Variants in RALGAPA2 observed in about 807,000 individuals in gnomAD.
RALGAPA2 encodes the protein ral GTPase-activating protein subunit alpha-2.
In RALGAPA2, 139 loss-of-function variants were observed where a neutral mutation model predicts 230.4. The ratio of observed to expected loss-of-function variants is 0.60; its 90% CI spans 0.53 to 0.69. The LOEUF is 0.69. Among genes scored for constraint, RALGAPA2 ranks in the 30% least tolerant of loss-of-function variants. RALGAPA2 has a pLI of 0.00. For missense variants in RALGAPA2, 2,163 were observed against 2,276.0 expected (o/e 0.95, Z 1.01); for synonymous variants, 847 against 837.8 (o/e 1.01, Z -0.19).
intron 37 of RALGAPA2, chr20:20,471,413 GA>G (rs2061537409): frequency 1.5e-5 from 2 of 137,018 alleles, no homozygotes; most frequent in African/African-American, 5.5e-5. Flanking sequence ...TGTAAAATAA[GA>G]TTTTTTTTTT....
intron 12 of RALGAPA2, among the ~76,000 whole-genome samples, chr20:20,617,209 T>G (rs1368571629): frequency 1.3e-5 from 2 of 152,206 alleles, no homozygotes; most frequent in African/African-American, 4.8e-5. Flanking sequence ...AAGTAAAATT[T>G]TTTAAAGTAT....
In RALGAPA2 at chr20:20,635,398, A is replaced by C; in HGVS notation, c.1005+20T>G. The C allele has an allele frequency of 1.3e-6, 2 of 1,568,668 alleles. No individual in the cohort carries two copies. Among genetic ancestry groups the C allele is most frequent in the Non-Finnish European group, 1.7e-6 (2 of 1,152,018 alleles). On this transcript the variant is annotated intron_variant, in intron 9 of 39. Transcript: ENST00000202677. ...TTATTACACAAGCATTAACAGATAA[A>C]AAGATGATGGATGGCATACCTGGAT...
At chr20:20,515,673 A>C (rs2145391727) in intron 31 of RALGAPA2, among the ~76,000 whole-genome samples, 1 of 152,376 alleles carries the variant, frequency 6.6e-6, no homozygotes, top group Admixed American at 6.5e-5. Context: ...AGGCATTCTC[A>C]GTCTCCAGCA....
At chr20:20,550,135 TC>T (rs1568567814) in intron 23 of RALGAPA2, among the ~76,000 whole-genome samples, 2 of 152,056 alleles carry the variant, frequency 1.3e-5, no homozygotes. Context: ...TTATCCCTCA[TC>T]CCCTTCCACC....
chr20:20,698,529 A>G (rs1478334205), intron 1 of RALGAPA2, among the ~76,000 whole-genome samples: 1 of 152,074 alleles, frequency 6.6e-6, no homozygotes, highest in East Asian at 1.9e-4. Flanking sequence ...AGCTGGGATT[A>G]CAGGCACCCA....
intron 37 of RALGAPA2, among the ~76,000 whole-genome samples, chr20:20,431,328 A>G (rs2060497498): frequency 6.6e-6 from 1 of 152,160 alleles, no homozygotes; most frequent in South Asian, 2.1e-4. Flanking sequence ...CATGGTGGTG[A>G]GTCTGGCAGC....
intron 36 of RALGAPA2, among the ~76,000 whole-genome samples, chr20:20,492,719 T>C (rs1196080583): frequency 6.6e-6 from 1 of 152,178 alleles, no homozygotes; most frequent in Non-Finnish European, 1.5e-5. Flanking sequence ...TTTCCCCTCA[T>C]TGTCCGTAAT....
intron 3 of RALGAPA2, among the ~76,000 whole-genome samples, chr20:20,671,013 G>A (rs1293221549): frequency 1.3e-5 from 2 of 151,596 alleles, no homozygotes; most frequent in Non-Finnish European, 2.9e-5. Context: ...TCTAAGTGGT[G>A]TACATATCTG....
chr20:20,558,011 TA>T (rs1212305416), intron 23 of RALGAPA2, among the ~76,000 whole-genome samples: 2 of 152,118 alleles, frequency 1.3e-5, no homozygotes, highest in East Asian at 1.9e-4. Flanking sequence ...TCAATTTTTT[TA>T]TTTTTTTTTG....
chr20:20,629,320 AACACACACACACACACACACACAC>A lies in RALGAPA2; in HGVS notation c.1233+19_1233+42del. The A allele has an allele frequency of 9.0e-7, 1 of 1,107,730 alleles. No individual in the cohort carries two copies. Among genetic ancestry groups the A allele is most frequent in the South Asian group, 1.4e-5 (1 of 71,876 alleles). 68.6% of individuals were successfully genotyped at this position (1,107,730 alleles called of 1,614,324 possible). On this transcript the variant is annotated intron_variant, in intron 10 of 39. Transcript: ENST00000202677. ...AATCATTTCCATTTCAAGAACTTGT[AACACACACACACACACACACACAC>A]ACACACACACACACTAACCTGGTGA...
chr20:20,667,198 G>C lies in RALGAPA2; in HGVS notation c.270+9038C>G, dbSNP rs145761361. Among the ~76,000 whole-genome samples, 117 of 152,226 alleles carry C rather than the reference G, an allele frequency of 7.7e-4. No homozygotes were observed. In the East Asian group the frequency reaches 0.014, roughly 18 times the overall value. ...TCTTATTGGCACTGTACTGGATATA[G>C]CTATATTACTATTATCAGGAAAATC... is the stretch of plus-strand genomic sequence containing the variant. On this transcript the variant is annotated intron_variant, in intron 3 of 39. Transcript: ENST00000202677.
chr20:20,634,480 C>G (rs1235039565), intron 9 of RALGAPA2, among the ~76,000 whole-genome samples: 3 of 152,116 alleles, frequency 2.0e-5, no homozygotes, highest in African/African-American at 7.2e-5. Flanking sequence ...ATAAGTTCTC[C>G]TCTAACTCTT....
At chr20:20,636,518 C>T (rs1317800984) in intron 8 of RALGAPA2, among the ~76,000 whole-genome samples, 1 of 151,336 alleles carries the variant, frequency 6.6e-6, no homozygotes. Context: ...TCAAAACTCA[C>T]CAAGTTTTGG....
rs756893123 is a variant in RALGAPA2, at chr20:20,605,247, A to C, written c.1966T>G (p.Tyr656Asp). The change falls in exon 15 of 40, where the codon TAT becomes GAT. Residue 656 changes from tyrosine to aspartate, a missense_variant. Transcript: ENST00000202677. The stretch of plus-strand genomic sequence containing the variant: ...GGTAGGTTTGTCATCTCAACTCCAT[A>C]AACGGTTCTTGCAAGCACTGCTGTC... ...SLTAVLARTV[Y>D]GVEMTNLPLD... The C allele has an allele frequency of 1.9e-6, 3 of 1,613,906 alleles. No homozygotes were observed. Among genetic ancestry groups the C allele is most frequent in the Non-Finnish European group, 2.5e-6 (3 of 1,179,860 alleles).
chr20:20,480,308 G>A (rs1023290769), intron 36 of RALGAPA2, among the ~76,000 whole-genome samples: 1 of 152,190 alleles, frequency 6.6e-6, no homozygotes, highest in Non-Finnish European at 1.5e-5. Flanking sequence ...AAGAAATACA[G>A]TATGAGTAAG....
At chr20:20,601,939 T>C in intron 15 of RALGAPA2, 93 bp from the exon 16 acceptor site, 3 of 1,126,462 alleles carry the variant, frequency 2.7e-6, no homozygotes, top group East Asian at 2.9e-5. Context: ...CCTACAACTA[T>C]ATATAATCAG....
Position 20,415,110 on chromosome 20 carries a change from T to C in RALGAPA2, c.5496-2962A>G, listed in dbSNP as rs2060140903. Among the ~76,000 whole-genome samples the C allele has an allele frequency of 2.6e-5, 4 of 152,268 alleles. No homozygotes were observed. In the South Asian group the frequency reaches 6.2e-4, roughly 24 times the overall value. On this transcript the variant is annotated intron_variant, in intron 37 of 39. Coordinates refer to ENST00000202677, the MANE Select transcript of RALGAPA2 (RefSeq NM_020343.4). ...AGCGCTGGGATCTTAACTGAATTAA[T>C]TGCAAGGGCAATTTGGAGCAGTATC...
intron 16 of RALGAPA2, among the ~76,000 whole-genome samples, chr20:20,599,572 A>G (rs1215572828): frequency 2.6e-5 from 4 of 152,220 alleles, no homozygotes; most frequent in African/African-American, 9.7e-5. Flanking sequence ...CTGCTTTACT[A>G]TTTTCATATG....
At chr20:20,556,100 T>A (rs1422735825) in intron 23 of RALGAPA2, among the ~76,000 whole-genome samples, 1 of 152,152 alleles carries the variant, frequency 6.6e-6, no homozygotes, top group Non-Finnish European at 1.5e-5. Context: ...CTTTTTGCAA[T>A]ATATTTTTGC....
Sources: gnomAD v4.1 joint callset for allele counts (sites outside exome capture counted in the v4.1 genomes callset) on GRCh38, gnomAD v4.1.1 for gene constraint, MANE v1.5 for transcripts, NCBI Gene and HGNC (gene_info 2026-07-23, HGNC 2026-07-21) for gene names.